The following RBFOX1 variants were observed in gnomAD, a reference collection of about 807,000 sequenced individuals.
The protein encoded by RBFOX1 is RNA binding fox-1 homolog 1.
Under a neutral mutation model 57.7 loss-of-function variants are expected in RBFOX1, and 8 were observed. The ratio of observed to expected loss-of-function variants is 0.14; its 90% CI spans 0.08 to 0.25. The LOEUF (loss-of-function observed/expected upper bound fraction) is 0.25, where lower values mean the gene tolerates loss of function less well. RBFOX1 is among the 10% of genes least tolerant of loss of function. The pLI is 1.00. For missense variants in RBFOX1, 611 were observed against 548.5 expected (o/e 1.11, Z -1.14); for synonymous variants, 326 against 222.4 (o/e 1.47, Z -4.15).
At chr16:7,103,199 A>G (rs895890343) in intron 4 of RBFOX1, among the ~76,000 whole-genome samples, 5 of 152,296 alleles carry the variant, frequency 3.3e-5, no homozygotes, top group Non-Finnish European at 7.4e-5. Flanking sequence ...TGATTTTTAA[A>G]GAGGGGATAA....
At chr16:6,806,839 T>TA (rs869129348) in intron 3 of RBFOX1, among the ~76,000 whole-genome samples, 39 of 109,716 alleles carry the variant, frequency 3.6e-4, no homozygotes, top group African/African-American at 1.3e-3. Flanking sequence ...TATATATATT[T>TA]TTTTTTTTTT....
At chr16:6,106,859 G>C (rs1597369655) in intron 1 of RBFOX1, among the ~76,000 whole-genome samples, 1 of 152,102 alleles carries the variant, frequency 6.6e-6, no homozygotes, top group East Asian at 1.9e-4. Flanking sequence ...TTCTAGTAGA[G>C]ACGGGGTTTC....
At chr16:6,531,644 G>T (rs540373405) in intron 2 of RBFOX1, among the ~76,000 whole-genome samples, 5 of 152,226 alleles carry the variant, frequency 3.3e-5, no homozygotes, top group Admixed American at 2.6e-4. Context: ...ACCCATTCTC[G>T]GAGCATATGT....
At chr16:5,487,630 C>T (rs1163561025) in intron 2 of RBFOX1, among the ~76,000 whole-genome samples, 1 of 152,172 alleles carries the variant, frequency 6.6e-6, no homozygotes, top group East Asian at 1.9e-4. Flanking sequence ...CTTTAATGTA[C>T]TTGAGACCAC....
At chr16:7,640,526 T>G (rs1431822944) in intron 11 of RBFOX1, among the ~76,000 whole-genome samples, 1 of 152,206 alleles carries the variant, frequency 6.6e-6, no homozygotes, top group Non-Finnish European at 1.5e-5. Context: ...TAGAGGATGC[T>G]TTTGCTTTGT....
chr16:6,638,774 G>T (rs928748979), intron 2 of RBFOX1, among the ~76,000 whole-genome samples: 1 of 152,136 alleles, frequency 6.6e-6, no homozygotes, highest in Non-Finnish European at 1.5e-5. Flanking sequence ...ACTCCATGCT[G>T]GTTTGGTTGG....
intron 4 of RBFOX1, among the ~76,000 whole-genome samples, chr16:7,480,149 G>A (rs147413244): frequency 6.6e-6 from 1 of 152,134 alleles, no homozygotes; most frequent in African/African-American, 2.4e-5. Flanking sequence ...TGTGTGTCTT[G>A]GGACAGCTAC....
At chr16:6,392,268 C>A (rs779510141) in intron 2 of RBFOX1, among the ~76,000 whole-genome samples, 1 of 152,158 alleles carries the variant, frequency 6.6e-6, no homozygotes, top group Non-Finnish European at 1.5e-5. Flanking sequence ...GAAGACACTG[C>A]GTCTTATTTT....
At chr16:6,207,857 A>T (rs2097265515) in intron 1 of RBFOX1, among the ~76,000 whole-genome samples, 1 of 151,690 alleles carries the variant, frequency 6.6e-6, no homozygotes. Context: ...CCAGCTAATT[A>T]AAAAAAAATT....
At chr16:7,696,422 T>C (rs1259223912) in intron 14 of RBFOX1, among the ~76,000 whole-genome samples, 2 of 152,044 alleles carry the variant, frequency 1.3e-5, no homozygotes, top group Non-Finnish European at 2.9e-5. Context: ...AGACGGGAGG[T>C]CTCCGTCTGT....
At chr16:7,015,039 A>G (rs371988468) in intron 3 of RBFOX1, among the ~76,000 whole-genome samples, 1 of 152,282 alleles carries the variant, frequency 6.6e-6, no homozygotes, top group Admixed American at 6.5e-5. Context: ...ACCAGGTTCT[A>G]TGCTTCCTGA....
chr16:7,098,499 T>A (rs565056998), intron 4 of RBFOX1, among the ~76,000 whole-genome samples: 5 of 152,200 alleles, frequency 3.3e-5, no homozygotes, highest in Non-Finnish European at 5.9e-5. Context: ...TTCATTCATT[T>A]GTAAAATTAA....
intron 3 of RBFOX1, among the ~76,000 whole-genome samples, chr16:5,783,409 G>C (rs971064029): frequency 1.3e-5 from 2 of 152,122 alleles, no homozygotes. Flanking sequence ...ATTTATGTAT[G>C]AGGGTTATAT....
chr16:6,160,317 T>C (rs552461862), intron 1 of RBFOX1, among the ~76,000 whole-genome samples: 2 of 152,190 alleles, frequency 1.3e-5, no homozygotes, highest in African/African-American at 2.4e-5. Flanking sequence ...GTAGGATATA[T>C]ATAGATAGTA....
intron 1 of RBFOX1, among the ~76,000 whole-genome samples, chr16:5,423,211 C>T (rs945521157): frequency 1.3e-4 from 20 of 151,952 alleles, no homozygotes; most frequent in Admixed American, 4.6e-4. Flanking sequence ...TATTTTCCTC[C>T]GCTTCCCCCA....
intron 4 of RBFOX1, among the ~76,000 whole-genome samples, chr16:7,443,332 G>T (rs975527398): frequency 7.2e-5 from 11 of 152,028 alleles, no homozygotes; most frequent in African/African-American, 2.4e-4. Context: ...TTACTGTGCT[G>T]AGTGAATTCC....
intron 2 of RBFOX1, among the ~76,000 whole-genome samples, chr16:6,635,343 T>C (rs564609381): frequency 2.4e-4 from 37 of 152,238 alleles, no homozygotes; most frequent in African/African-American, 7.2e-4. Flanking sequence ...TTGTATAAAA[T>C]GCCCTGTAAA....
chr16:6,349,493 C>T (rs2085928407), intron 2 of RBFOX1, among the ~76,000 whole-genome samples: 1 of 152,180 alleles, frequency 6.6e-6, no homozygotes, highest in Non-Finnish European at 1.5e-5. Flanking sequence ...TCAAATTGTT[C>T]AACATCCTTT....
intron 4 of RBFOX1, among the ~76,000 whole-genome samples, chr16:7,066,458 G>T (rs959195706): frequency 6.6e-6 from 1 of 152,160 alleles, no homozygotes; most frequent in African/African-American, 2.4e-5. Context: ...ACCTTTGTAG[G>T]ATCCAACTAT....
Sources: gnomAD v4.1 joint callset for allele counts (sites outside exome capture counted in the v4.1 genomes callset) on GRCh38, gnomAD v4.1.1 for gene constraint, MANE v1.5 for transcripts, NCBI Gene and HGNC (gene_info 2026-07-23, HGNC 2026-07-21) for gene names.